Variants in ZNF804A observed in about 807,000 individuals in gnomAD.
ZNF804A encodes the protein zinc finger protein 804A.
ZNF804A carries 2 observed loss-of-function variants against 16.5 expected under a neutral mutation model. The observed-to-expected ratio is 0.12, with a 90% CI of 0.05 to 0.38. The LOEUF (loss-of-function observed/expected upper bound fraction) is 0.38. Among genes scored for constraint, ZNF804A ranks in the 10% least tolerant of loss-of-function variants. The probability of loss-of-function intolerance (pLI) is 0.99; values close to 1 mark genes in which losing one functional copy is unlikely to be tolerated. For missense variants in ZNF804A, 1,473 were observed against 1,390.7 expected, an observed-to-expected ratio of 1.06 and a Z score of -0.94; for synonymous variants, 534 against 489.6, an observed-to-expected ratio of 1.09 and a Z score of -1.20.
rs776046713 is a variant in ZNF804A at position 184,778,467 on chromosome 2, G to A, written c.112-87902G>A. Among the ~76,000 whole-genome samples, 44 of 151,558 alleles carry A rather than the reference G, an allele frequency of 2.9e-4. 1 individual carries two copies. Among genetic ancestry groups the A allele is most frequent in the Non-Finnish European group, 5.9e-5 (4 of 67,726 alleles). Reference sequence around the variant, plus strand: ...AAGTGGTTATAAGAAAATAAAACCGGACAAGAGGACTGAGAGGGACAGGGA... The same window carrying A: ...AAGTGGTTATAAGAAAATAAAACCGAACAAGAGGACTGAGAGGGACAGGGA... On this transcript the variant is annotated intron_variant, in intron 1 of 3. Transcript: ENST00000302277.
intron 1 of ZNF804A, among the ~76,000 whole-genome samples, chr2:184,767,497 T>G (rs932270388): frequency 2.0e-5 from 3 of 152,078 alleles, no homozygotes; most frequent in African/African-American, 7.2e-5. Flanking sequence ...TTTTGCAAGA[T>G]GAAAATATTC....
intron 1 of ZNF804A, among the ~76,000 whole-genome samples, chr2:184,683,331 C>T (rs1366255945): frequency 6.6e-6 from 1 of 152,164 alleles, no homozygotes; most frequent in Non-Finnish European, 1.5e-5. Flanking sequence ...AAATAAACCT[C>T]TTTCGCTATA....
At chr2:184,752,281 A>G (rs559978887) in intron 1 of ZNF804A, among the ~76,000 whole-genome samples, 3 of 151,600 alleles carry the variant, frequency 2.0e-5, no homozygotes, top group Non-Finnish European at 3.0e-5. Context: ...TATATACACC[A>G]TGGAATACTA....
rs901806712 is a variant in ZNF804A, at chr2:184,939,145, G to A, written c.*119G>A. On this transcript the variant is annotated 3_prime_UTR_variant, in exon 4 of 4. Coordinates refer to ENST00000302277, the MANE Select transcript of ZNF804A (RefSeq NM_194250.2). The stretch of plus-strand genomic sequence containing the variant: ...GGAAATAAACTGGCCGATACATGGC[G>A]TCATTGGTTTGAAATCATTTACTGT... 1.2e-5 allele frequency: 16 copies of A among 1,296,730 alleles called. No homozygotes were observed. Among genetic ancestry groups the A allele is most frequent in the Middle Eastern group, 3.9e-4 (2 of 5,098 alleles). The allele number at this position is 1,296,730 out of a possible 1,614,324, so 80.3% of individuals were successfully genotyped here.
intron 1 of ZNF804A, among the ~76,000 whole-genome samples, chr2:184,771,196 A>C (rs1039237683): frequency 5.9e-5 from 9 of 152,090 alleles, no homozygotes; most frequent in African/African-American, 2.2e-4. Flanking sequence ...TGCTTTTAAA[A>C]TAGTCAATAC....
chr2:184,643,670 T>G (rs1305296386), intron 1 of ZNF804A, among the ~76,000 whole-genome samples: 2 of 151,796 alleles, frequency 1.3e-5, no homozygotes, highest in African/African-American at 4.8e-5. Flanking sequence ...ACTTATCTTG[T>G]AGAAAGTAAA....
At chr2:184,757,469 T>A (rs1167053916) in intron 1 of ZNF804A, among the ~76,000 whole-genome samples, 2 of 151,988 alleles carry the variant, frequency 1.3e-5, no homozygotes, top group Non-Finnish European at 2.9e-5. Flanking sequence ...TCCTCTTAAA[T>A]CAATATTTTA....
intron 1 of ZNF804A, among the ~76,000 whole-genome samples, chr2:184,851,258 A>G (rs562536310): frequency 4.0e-5 from 6 of 151,878 alleles, no homozygotes; most frequent in Admixed American, 6.6e-5. Context: ...AAGTATAGTC[A>G]CCATATTGTG....
At chr2:184,679,263 A>G (rs537424754) in intron 1 of ZNF804A, among the ~76,000 whole-genome samples, 2 of 152,248 alleles carry the variant, frequency 1.3e-5, no homozygotes, top group East Asian at 3.8e-4. Flanking sequence ...CCAAAGATAC[A>G]ATAACACAAA....
At chr2:184,803,308 C>G (rs1046566400) in intron 1 of ZNF804A, among the ~76,000 whole-genome samples, 4 of 152,080 alleles carry the variant, frequency 2.6e-5, no homozygotes. Flanking sequence ...CTCATTGACG[C>G]CCACCCTGAC....
At chr2:184,599,197 G>A (rs1691007827) in intron 1 of ZNF804A, 127 bp downstream of exon 1, 2 of 748,972 alleles carry the variant, frequency 2.7e-6, no homozygotes, top group Non-Finnish European at 2.2e-6. Flanking sequence ...GGTGGGCGTG[G>A]GGTGAGAATT....
chr2:184,608,466 A>C (rs922576175), intron 1 of ZNF804A, among the ~76,000 whole-genome samples: 1 of 152,214 alleles, frequency 6.6e-6, no homozygotes, highest in African/African-American at 2.4e-5. Context: ...AGCTTTCCTC[A>C]TAATGGCTGG....
At chr2:184,616,770 C>A (rs978575343) in intron 1 of ZNF804A, among the ~76,000 whole-genome samples, 1 of 152,110 alleles carries the variant, frequency 6.6e-6, no homozygotes, top group Non-Finnish European at 1.5e-5. Flanking sequence ...TCATAAATAT[C>A]ACCTGAAAGT....
intron 1 of ZNF804A, among the ~76,000 whole-genome samples, chr2:184,852,983 C>T (rs57491014): frequency 0.065 from 9,812 of 151,676 alleles, 1,073 homozygotes; most frequent in African/African-American, 0.22. Flanking sequence ...TGAAAAATGT[C>T]ATTGGAATTG....
chr2:184,819,622 A>G (rs2105790351), intron 1 of ZNF804A, among the ~76,000 whole-genome samples: 1 of 152,028 alleles, frequency 6.6e-6, no homozygotes, highest in Non-Finnish European at 1.5e-5. Flanking sequence ...AAAACCAATG[A>G]ATGGAGGAGC....
intron 1 of ZNF804A, among the ~76,000 whole-genome samples, chr2:184,810,141 C>T (rs924408676): frequency 3.3e-5 from 5 of 152,094 alleles, no homozygotes; most frequent in Non-Finnish European, 5.9e-5. Flanking sequence ...ACAGCTTTAC[C>T]CTTTGTCTAT....
rs1175105602 is a variant in ZNF804A at position 184,810,484 on chromosome 2, C to CTTTT, written c.112-55864_112-55861dup. ...TCTGAAACATTTTTATGTTCTTTTC[C>CTTTT]TTTTTTTTTTTTTTTTTTTTTTTTG... On this transcript the variant is annotated intron_variant, in intron 1 of 3. Transcript: ENST00000302277. Among the ~76,000 whole-genome samples, 171 of 95,984 alleles carry CTTTT rather than the reference C, an allele frequency of 1.8e-3. 1 individual carries two copies. The highest frequency in any genetic ancestry group is 3.4e-3 in the African/African-American group (77 of 22,516). The allele number at this position is 95,984 out of a possible 152,430, so 63.0% of individuals were successfully genotyped here.
At position 184,720,079 on chromosome 2, in the gene ZNF804A, A is replaced by C. The variant is rs115354315; in HGVS notation, c.111+121009A>C. Reference sequence around the variant, plus strand: ...ATAATCATGGCAGAAACTGAAATGCACACCTCATACAGTGGCAGACAAGAG... The same window carrying C: ...ATAATCATGGCAGAAACTGAAATGCCCACCTCATACAGTGGCAGACAAGAG... On this transcript the variant is annotated intron_variant, in intron 1 of 3. Transcript: ENST00000302277. Among the ~76,000 whole-genome samples the C allele has an allele frequency of 4.6e-3, 697 of 152,306 alleles. 12 individuals are homozygous for C. Among genetic ancestry groups the C allele is most frequent in the African/African-American group, 0.015 (637 of 41,582 alleles).
intron 1 of ZNF804A, among the ~76,000 whole-genome samples, chr2:184,744,813 C>A (rs548499174): frequency 1.3e-5 from 2 of 151,806 alleles, no homozygotes; most frequent in African/African-American, 4.8e-5. Context: ...TTTCTGTTCA[C>A]CAAACAACTA....
Sources: allele counts gnomAD v4.1 joint callset (sites outside exome capture counted in the v4.1 genomes callset), GRCh38; gene constraint gnomAD v4.1.1; transcripts MANE v1.5; gene names NCBI Gene and HGNC (gene_info 2026-07-23, HGNC 2026-07-21).